The following CEP89 variants were observed in gnomAD, a reference collection of about 807,000 sequenced individuals.
The protein encoded by CEP89 is centrosomal protein 89, also known as centrosomal protein of 89 kDa.
A neutral mutation model predicts 97.6 loss-of-function variants in CEP89; 95 were observed. That is an observed-to-expected ratio of 0.97 (90% CI 0.82 to 1.15). The LOEUF (loss-of-function observed/expected upper bound fraction) is 1.15, where lower values mean the gene tolerates loss of function less well. CEP89 is among the 50% of genes most tolerant of loss of function. The probability of loss-of-function intolerance (pLI) is 0.00; values close to 1 mark genes in which losing one functional copy is unlikely to be tolerated. For synonymous variants in CEP89, 354 were observed against 349.1 expected (o/e 1.01, Z -0.16); for missense variants, 869 against 947.7 (o/e 0.92, Z 1.09).
intron 3 of CEP89, among the ~76,000 whole-genome samples, chr19:32,958,786 G>A (rs959033483): frequency 3.3e-5 from 5 of 152,172 alleles, no homozygotes; most frequent in African/African-American, 9.7e-5. Flanking sequence ...GGAGGCCGAG[G>A]CGGGTGGATC....
At chr19:32,935,015 G>A (rs2145932890) in intron 7 of CEP89, among the ~76,000 whole-genome samples, 2 of 152,346 alleles carry the variant, frequency 1.3e-5, no homozygotes, top group Middle Eastern at 3.4e-3. Flanking sequence ...ATGAGCTGTT[G>A]AGTTAGATAA....
intron 5 of CEP89, 110 bp from the exon 6 acceptor site, chr19:32,939,995 C>A: frequency 1.8e-6 from 1 of 562,628 alleles, no homozygotes; most frequent in Non-Finnish European, 3.2e-6. Context: ...CTCGACAAGG[C>A]CCAGAACAGG....
rs747382680 is a variant in CEP89, at chr19:32,960,011, G to A, written c.194C>T (p.Thr65Met). The A allele has an allele frequency of 8.7e-6, 14 of 1,614,088 alleles. No homozygotes were observed. The highest frequency in any genetic ancestry group is 3.3e-4 in the Middle Eastern group (2 of 6,084). The change falls in exon 3 of 19, where the codon ACG becomes ATG. Residue 65 changes from threonine to methionine, a missense_variant. By Grantham distance (81) the Thr-to-Met change is moderately conservative. Transcript: ENST00000305768. ...CTGGCGAGGCTGAGGAATAGCAACC[G>A]TCCGCCCAGTCAATGTTGTCGCCAG... The part of the protein sequence containing the change: ...AILATTLTGR[T>M]VAIPQPRQRS...
At chr19:32,963,744 TG>T (rs1324205198) in intron 2 of CEP89, 17 of 152,228 alleles carry the variant, frequency 1.1e-4, no homozygotes, top group Admixed American at 7.9e-4. Flanking sequence ...TCACCCTATC[TG>T]TGTACCACTG....
chr19:32,921,890 T>C (rs1375927755), intron 12 of CEP89, among the ~76,000 whole-genome samples: 1 of 152,208 alleles, frequency 6.6e-6, no homozygotes, highest in African/African-American at 2.4e-5. Flanking sequence ...GTTGACTCAA[T>C]TCCAGATTTC....
Position 32,960,030 on chromosome 19 carries a change from T to C in CEP89, c.175A>G (p.Thr59Ala). Residue 59 changes from threonine to alanine, a missense_variant, in exon 3 of 19, where the codon ACA (threonine) becomes GCA (alanine). Coordinates refer to ENST00000305768, the MANE Select transcript of CEP89 (RefSeq NM_032816.5). Reference sequence around the variant, plus strand: ...GCAACCGTCCGCCCAGTCAATGTTGTCGCCAGAATGGCTGCTGCCAGAGCA... The same window carrying C: ...GCAACCGTCCGCCCAGTCAATGTTGCCGCCAGAATGGCTGCTGCCAGAGCA... ...RSALAAAILATTLTGRTVAIP... is the reference protein window; with the variant it reads ...RSALAAAILAATLTGRTVAIP... The C allele has an allele frequency of 6.2e-7, 1 of 1,614,206 alleles. No individual in the cohort carries two copies. The highest frequency in any genetic ancestry group is 1.1e-5 in the South Asian group (1 of 91,090).
At chr19:32,965,735 G>T (rs1028098130) in intron 2 of CEP89, among the ~76,000 whole-genome samples, 2 of 149,636 alleles carry the variant, frequency 1.3e-5, no homozygotes, top group Middle Eastern at 3.6e-3. Context: ...AAGAAAATGG[G>T]CTGGGTGCGG....
rs187661578 is a variant in CEP89 at position 32,936,419 on chromosome 19, G to A, written c.667+1212C>T. ...GTGCCATGGACTGGGCAGCAGGAGG[G>A]AGACAGGTTCCTGGGCAGAAGCAGG... On this transcript the variant is annotated intron_variant, in intron 7 of 18. Coordinates refer to ENST00000305768, the MANE Select transcript of CEP89 (RefSeq NM_032816.5). The surrounding 1 kb of genome is among the most constrained non-coding windows in gnomAD (Gnocchi z 4.5). Among the ~76,000 whole-genome samples the A allele has an allele frequency of 3.6e-3, 555 of 152,262 alleles. 3 individuals carry two copies. The highest frequency in any genetic ancestry group is 0.012 in the African/African-American group (518 of 41,554).
rs1568550050 is a variant in CEP89, at chr19:32,900,439, T to TA, written c.1734-442_1734-441insT. Among the ~76,000 whole-genome samples the TA allele has an allele frequency of 8.6e-4, 130 of 151,640 alleles. 1 individual carries two copies. The highest frequency in any genetic ancestry group is 7.1e-3 in the Admixed American group (108 of 15,228). ...TTTCTGTATATATACATATATATAT[T>TA]TTTTTAAGTAGCCAGGGCTTCTCTA... On this transcript the variant is annotated intron_variant, in intron 15 of 18. Transcript: ENST00000305768.
At position 32,901,296 on chromosome 19, in the gene CEP89, T is replaced by C. The variant is rs2145888498; in HGVS notation, c.1682A>G (p.Glu561Gly). ...SLLLEKNSLT[E>G]QNKALEAELE... is the part of the protein sequence containing the mutation. ...TTCGGCTTCCAGTGCTTTGTTTTGC[T>C]CTGTCAAACTGTTCTTCTCTAACAG... The change falls in exon 15 of 19, where the codon GAG (glutamate) becomes GGG (glycine). Residue 561 changes from glutamate to glycine, a missense_variant. By Grantham distance (98) the Glu-to-Gly change is moderately conservative. Transcript: ENST00000305768. 6.2e-7 allele frequency: 1 copy of C among 1,614,202 alleles called. No homozygotes were observed. Among genetic ancestry groups the C allele is most frequent in the Non-Finnish European group, 8.5e-7 (1 of 1,180,036 alleles).
At chr19:32,915,918 G>A (rs1257050725) in intron 13 of CEP89, among the ~76,000 whole-genome samples, 28 of 119,638 alleles carry the variant, frequency 2.3e-4, no homozygotes, top group Admixed American at 4.3e-4. Flanking sequence ...GACTCTCTCA[G>A]AAAAAAAAAA....
chr19:32,879,549 G>A (rs1308566901), intron 18 of CEP89, among the ~76,000 whole-genome samples, 171 bp from the exon 19 acceptor site: 1 of 152,192 alleles, frequency 6.6e-6, no homozygotes, highest in Non-Finnish European at 1.5e-5. Flanking sequence ...CTGGTGCCCT[G>A]GGAATGGGGA....
chr19:32,963,006 T>C (rs1971200828), intron 2 of CEP89, among the ~76,000 whole-genome samples: 1 of 152,058 alleles, frequency 6.6e-6, no homozygotes, highest in African/African-American at 2.4e-5. Context: ...AAAAAAGATA[T>C]AAAGATGACA....
intron 1 of CEP89, chr19:32,969,530 G>A (rs1394153374): frequency 6.6e-6 from 1 of 152,436 alleles, no homozygotes; most frequent in African/African-American, 2.4e-5. Context: ...GCAGTTGCTG[G>A]AGTGGAGAGA....
At chr19:32,963,082 G>A (rs1484425123) in intron 2 of CEP89, among the ~76,000 whole-genome samples, 1 of 152,172 alleles carries the variant, frequency 6.6e-6, no homozygotes, top group Non-Finnish European at 1.5e-5. Context: ...AAGACCAGGC[G>A]CGGTAGCTCA....
rs918015614 is a variant in CEP89 at position 32,936,085 on chromosome 19, C to G, written c.667+1546G>C. On this transcript the variant is annotated intron_variant, in intron 7 of 18. Transcript: ENST00000305768. This position sits in a 1 kb window ranked among gnomAD's most constrained non-coding sequence, Gnocchi z 4.5. ...TGGGTGTCTCTGCAGTCTGCACCCT[C>G]GGGGGCCTGGGAAGGCTCCCGTGTC... 2.8e-4 allele frequency among the ~76,000 whole-genome samples: 42 copies of G among 152,236 alleles called. No homozygotes were observed. The highest frequency in any genetic ancestry group is 4.0e-4 in the Non-Finnish European group (27 of 67,984).
intron 10 of CEP89, among the ~76,000 whole-genome samples, chr19:32,926,680 G>A (rs867224835): frequency 2.0e-5 from 3 of 152,172 alleles, no homozygotes; most frequent in Non-Finnish European, 4.4e-5. Context: ...TCCTGCCTCA[G>A]CCTCCCAAGT....
chr19:32,959,934 C>T lies in CEP89; in HGVS notation c.271G>A (p.Glu91Lys), dbSNP rs372062407. The T allele has an allele frequency of 1.2e-5, 20 of 1,614,062 alleles. No homozygotes were observed. The highest frequency in any genetic ancestry group is 5.5e-5 in the South Asian group (5 of 91,088). The change falls in exon 3 of 19, where the codon GAG (glutamate) becomes AAG (lysine). Residue 91 changes from glutamate (E) to lysine (K), a missense_variant. Glu to Lys is a moderately conservative substitution (Grantham distance 56). Coordinates refer to ENST00000305768, the MANE Select transcript of CEP89 (RefSeq NM_032816.5). ...AGCTGTGAGGTGGTGGCATAGGGCT[C>T]GATGAAGCTGTCCTGTTCAACACTG... is the stretch of plus-strand genomic sequence containing the variant. The part of the protein sequence containing the change: ...VSSVEQDSFI[E>K]PYATTSQLRP...
At chr19:32,966,622 C>T (rs903723671) in intron 1 of CEP89, among the ~76,000 whole-genome samples, 156 bp from the exon 2 acceptor site, 1 of 152,140 alleles carries the variant, frequency 6.6e-6, no homozygotes, top group African/African-American at 2.4e-5. Context: ...CATCCCCAGT[C>T]CCCATCAGGC....
Sources: gnomAD v4.1 joint callset for allele counts (sites outside exome capture counted in the v4.1 genomes callset) on GRCh38, gnomAD v4.1.1 for gene constraint, Gnocchi (gnomAD v3.1) non-coding constraint, MANE v1.5 for transcripts, NCBI Gene and HGNC (gene_info 2026-07-23, HGNC 2026-07-21) for gene names.